SNX29: variants seen among roughly 807,000 people sequenced by gnomAD.
SNX29 encodes sorting nexin 29.
A neutral mutation model predicts 102.1 loss-of-function variants in SNX29; 78 were observed. The ratio of observed to expected loss-of-function variants is 0.76; its 90% CI spans 0.64 to 0.92. SNX29 has a LOEUF of 0.92. Ranked by LOEUF, SNX29 falls within the 40% of genes least tolerant of loss-of-function variation. The probability of loss-of-function intolerance (pLI) is 0.00; values close to 1 mark genes in which losing one functional copy is unlikely to be tolerated. For missense variants in SNX29, 1,280 were observed against 1,061.7 expected (o/e 1.21, Z -2.86); for synonymous variants, 580 against 414.5 (o/e 1.40, Z -4.85).
intron 20 of SNX29, among the ~76,000 whole-genome samples, chr16:12,564,816 C>T (rs188144194): frequency 1.6e-4 from 24 of 151,630 alleles, no homozygotes; most frequent in African/African-American, 2.4e-4. Context: ...CCAGAAGTCT[C>T]GGTGGTACAC....
chr16:12,567,603 A>G (rs1488581544), intron 20 of SNX29, among the ~76,000 whole-genome samples: 1 of 152,066 alleles, frequency 6.6e-6, no homozygotes, highest in Non-Finnish European at 1.5e-5. Flanking sequence ...CCCCATCTCT[A>G]CAAAAAATTA....
At chr16:12,292,841 T>C (rs761170855) in intron 15 of SNX29, among the ~76,000 whole-genome samples, 4 of 152,256 alleles carry the variant, frequency 2.6e-5, no homozygotes, top group Admixed American at 6.5e-5. Flanking sequence ...CAAGGCACAG[T>C]GGCTCTAGTG....
intron 16 of SNX29, among the ~76,000 whole-genome samples, chr16:12,356,929 A>G (rs1239400812): frequency 6.6e-6 from 1 of 152,224 alleles, no homozygotes; most frequent in African/African-American, 2.4e-5. Context: ...ACCTGGCAGA[A>G]TCACCCCTGG....
intron 14 of SNX29, among the ~76,000 whole-genome samples, chr16:12,204,524 A>G (rs2076997647): frequency 6.6e-6 from 1 of 152,172 alleles, no homozygotes; most frequent in African/African-American, 2.4e-5. Flanking sequence ...AATGGATTTT[A>G]AAGCCACGAG....
chr16:12,380,887 TCCATCCACCTACCCA>T, intron 16 of SNX29, among the ~76,000 whole-genome samples: 1 of 76,508 alleles, frequency 1.3e-5, no homozygotes, highest in Non-Finnish European at 2.5e-5. Flanking sequence ...CCACCCACCA[TCCATCCACCTACCCA>T]CCATCCATCC....
intron 15 of SNX29, among the ~76,000 whole-genome samples, chr16:12,321,640 G>T (rs945346082): frequency 6.6e-6 from 1 of 152,210 alleles, no homozygotes; most frequent in Non-Finnish European, 1.5e-5. Flanking sequence ...GGCGCTGAGA[G>T]CTGGGCTGAA....
chr16:12,546,710 T>G (rs1046496092), intron 20 of SNX29: 4 of 152,208 alleles, frequency 2.6e-5, no homozygotes, highest in Non-Finnish European at 4.4e-5. Context: ...ATTAAAGCTA[T>G]TATTTTGACT....
chr16:12,005,248 G>T (rs929461928), intron 3 of SNX29, among the ~76,000 whole-genome samples: 2 of 152,196 alleles, frequency 1.3e-5, no homozygotes, highest in African/African-American at 4.8e-5. Flanking sequence ...CTACTATGGG[G>T]CCTGGCCTTG....
chr16:12,566,532 C>T (rs1206727539), intron 20 of SNX29, among the ~76,000 whole-genome samples: 8 of 152,222 alleles, frequency 5.3e-5, no homozygotes, highest in South Asian at 2.1e-4. Flanking sequence ...ATCTGAAGAG[C>T]ATGACAGGAG....
intron 17 of SNX29, among the ~76,000 whole-genome samples, chr16:12,402,979 C>A (rs1477091708): frequency 6.6e-6 from 1 of 152,172 alleles, no homozygotes; most frequent in Non-Finnish European, 1.5e-5. Flanking sequence ...GGCTCAGGGT[C>A]AGGGTCTAAA....
chr16:12,397,562 C>G (rs1397922137), intron 16 of SNX29, among the ~76,000 whole-genome samples: 2 of 152,310 alleles, frequency 1.3e-5, no homozygotes, highest in South Asian at 2.1e-4. Context: ...TCACCCTTCT[C>G]TGTTCCACTT....
intron 15 of SNX29, among the ~76,000 whole-genome samples, chr16:12,313,782 T>C (rs2080642820): frequency 6.6e-6 from 1 of 152,206 alleles, no homozygotes. Flanking sequence ...AGTGATTCTG[T>C]ATGTGACAGA....
chr16:12,461,699 G>C (rs1464502989), intron 18 of SNX29, among the ~76,000 whole-genome samples: 1 of 151,762 alleles, frequency 6.6e-6, no homozygotes, highest in African/African-American at 2.4e-5. Context: ...GCTCACACCT[G>C]TAATCCCAGC....
chr16:12,498,225 C>T (rs948902351), intron 19 of SNX29, among the ~76,000 whole-genome samples: 3 of 152,212 alleles, frequency 2.0e-5, no homozygotes, highest in African/African-American at 7.2e-5. Flanking sequence ...ATGAGGCCCA[C>T]TGAGAAGTCA....
At chr16:12,468,703 C>G (rs533876382) in intron 18 of SNX29, among the ~76,000 whole-genome samples, 3 of 152,296 alleles carry the variant, frequency 2.0e-5, no homozygotes, top group South Asian at 4.1e-4. Flanking sequence ...GGGCCCAGCC[C>G]GGAGCTTGGT....
chr16:12,532,931 C>A (rs1246975210), intron 20 of SNX29, among the ~76,000 whole-genome samples: 1 of 152,246 alleles, frequency 6.6e-6, no homozygotes, highest in Non-Finnish European at 1.5e-5. Context: ...CCGTCCTCCT[C>A]TGCTGCCAAG....
chr16:12,231,084 C>G (rs998940059), intron 14 of SNX29, among the ~76,000 whole-genome samples: 1 of 152,096 alleles, frequency 6.6e-6, no homozygotes, highest in Non-Finnish European at 1.5e-5. Flanking sequence ...AACTCCTGAC[C>G]TAAGGTGATC....
chr16:11,983,615 A>G, intron 1 of SNX29: 1 of 984,494 alleles, frequency 1.0e-6, no homozygotes, highest in Non-Finnish European at 1.2e-6. Flanking sequence ...ATGTTCTACC[A>G]TCAGCAAACA....
intron 16 of SNX29, among the ~76,000 whole-genome samples, chr16:12,395,930 A>G (rs755087230): frequency 5.3e-5 from 8 of 152,228 alleles, no homozygotes; most frequent in Non-Finnish European, 1.0e-4. Flanking sequence ...ATCATCATGC[A>G]TTTGCTACAG....
Sources: allele counts gnomAD v4.1 joint callset (sites outside exome capture counted in the v4.1 genomes callset), GRCh38; gene constraint gnomAD v4.1.1; transcripts MANE v1.5; gene names NCBI Gene and HGNC (gene_info 2026-07-23, HGNC 2026-07-21).